Variants in FTO observed in about 807,000 individuals in gnomAD.
FTO encodes the protein FTO alpha-ketoglutarate dependent dioxygenase, also known as alpha-ketoglutarate-dependent dioxygenase FTO.
FTO carries 47 observed loss-of-function variants against 63.9 expected under a neutral mutation model. The ratio of observed to expected loss-of-function variants is 0.74; its 90% CI spans 0.58 to 0.94. FTO has a LOEUF of 0.94. Ranked by LOEUF, FTO falls within the 40% of genes least tolerant of loss-of-function variation. FTO has a pLI of 0.00. For missense variants in FTO, 562 were observed against 618.1 expected (o/e 0.91, Z 0.96); for synonymous variants, 207 against 224.4 (o/e 0.92, Z 0.69).
At chr16:54,069,834 G>A (rs2085822252) in intron 8 of FTO, 1 of 152,120 alleles carries the variant, frequency 6.6e-6, no homozygotes, top group African/African-American at 2.4e-5. Flanking sequence ...TAAATCCAGT[G>A]GGGGTTGTGC....
At chr16:53,912,526 T>C (rs2081738595) in intron 7 of FTO, among the ~76,000 whole-genome samples, 1 of 152,130 alleles carries the variant, frequency 6.6e-6, no homozygotes, top group African/African-American at 2.4e-5. Flanking sequence ...TAGAGAGGAG[T>C]GTGGGGAAAT....
chr16:53,760,937 T>G (rs1567963587), intron 1 of FTO, among the ~76,000 whole-genome samples: 1 of 151,958 alleles, frequency 6.6e-6, no homozygotes. Context: ...TGCTCTTATC[T>G]TTCACATTGA....
rs570714377 is a variant in FTO, at chr16:53,872,491, G to C, written c.896-1295G>C. 2.0e-5 allele frequency among the ~76,000 whole-genome samples: 3 copies of C among 152,262 alleles called. No individual in the cohort carries two copies. The East Asian group carries it at 5.8e-4, about 29-fold the overall frequency. ...TTCCTCTTCTCTATTCTGTGGCATT[G>C]AAACTGTTTCCATGGAGTAAGTTAG... On this transcript the variant is annotated intron_variant, in intron 4 of 8. Coordinates refer to ENST00000471389, the MANE Select transcript of FTO (RefSeq NM_001080432.3).
intron 8 of FTO, among the ~76,000 whole-genome samples, chr16:53,973,423 G>A (rs1035216861): frequency 1.3e-5 from 2 of 152,158 alleles, no homozygotes; most frequent in Admixed American, 1.3e-4. Flanking sequence ...ATTCATTTGG[G>A]GTGAAGTCAC....
rs1172821402 is a variant in FTO at position 54,111,835 on chromosome 16, G to A, written c.1438G>A (p.Asp480Asn). ...PECRPYWEKD[D>N]ASMPLPFDLT... is the part of the protein sequence containing the mutation. ...ATGTCGGCCATACTGGGAAAAGGAT[G>A]ATGCTTCGATGCCTCTGCCGTTTGA... The change falls in exon 9 of 9, where the codon GAT (aspartate) becomes AAT (asparagine). Residue 480 changes from aspartate to asparagine, a missense_variant. Transcript: ENST00000471389. 4.3e-6 allele frequency: 7 copies of A among 1,614,206 alleles called. No homozygotes were observed. In the South Asian group the frequency reaches 4.4e-5, roughly 10 times the overall value.
At chr16:53,802,818 A>T (rs1461710444) in intron 1 of FTO, among the ~76,000 whole-genome samples, 1 of 152,054 alleles carries the variant, frequency 6.6e-6, no homozygotes, top group Non-Finnish European at 1.5e-5. Context: ...TTCTATTATA[A>T]CTAATTTGTG....
In FTO at chr16:53,833,154, T is replaced by C. The variant is rs764109405; in HGVS notation, c.751+6663T>C. Among the ~76,000 whole-genome samples the C allele has an allele frequency of 7.2e-5, 11 of 152,184 alleles. No individual in the cohort carries two copies. The South Asian group carries it at 2.3e-3, about 32-fold the overall frequency. On this transcript the variant is annotated intron_variant, in intron 3 of 8. Transcript: ENST00000471389. ...TTCATCAGGGGTTTCCGCTTTTGCT[T>C]CCTCCTCATTTTCTCTTGCCACTGC...
At chr16:53,883,623 AAAAAAAAAAAAAC>A (rs2080908423) in intron 6 of FTO, among the ~76,000 whole-genome samples, 1 of 62,880 alleles carries the variant, frequency 1.6e-5, no homozygotes, top group South Asian at 5.9e-4. Context: ...ACTCTATCTC[AAAAAAAAAAAAAC>A]AAAAAAAAAA....
chr16:53,803,213 T>C (rs185598581), intron 1 of FTO, among the ~76,000 whole-genome samples: 134 of 152,360 alleles, frequency 8.8e-4, no homozygotes, highest in African/African-American at 2.7e-3. Flanking sequence ...TTGGAAACAG[T>C]TGAATCTTTT....
chr16:53,753,463 T>C (rs956016777), intron 1 of FTO, among the ~76,000 whole-genome samples: 2 of 152,042 alleles, frequency 1.3e-5, no homozygotes, highest in Non-Finnish European at 2.9e-5. Context: ...AAGTTTTGCA[T>C]CTGCATTGCT....
intron 8 of FTO, among the ~76,000 whole-genome samples, chr16:53,936,386 T>C (rs116727114): frequency 0.018 from 2,708 of 152,304 alleles, 73 homozygotes; most frequent in African/African-American, 0.061. Flanking sequence ...CTTCTCCACC[T>C]CCATTTGATG....
At chr16:54,022,933 G>A (rs1230745984) in intron 8 of FTO, among the ~76,000 whole-genome samples, 2 of 152,234 alleles carry the variant, frequency 1.3e-5, no homozygotes, top group African/African-American at 2.4e-5. Flanking sequence ...GCTAACAGAT[G>A]TAGCTTTTCA....
chr16:54,019,366 T>G (rs2084533914), intron 8 of FTO, among the ~76,000 whole-genome samples: 1 of 152,220 alleles, frequency 6.6e-6, no homozygotes, highest in Non-Finnish European at 1.5e-5. Context: ...GAATGGTTGT[T>G]GAGGCACCAA....
intron 8 of FTO, among the ~76,000 whole-genome samples, chr16:54,083,119 GA>G (rs2086185657): frequency 6.6e-6 from 1 of 152,142 alleles, no homozygotes. Context: ...ATTATGGGGG[GA>G]AAAGAAAGCA....
At chr16:54,009,212 G>A (rs2084283487) in intron 8 of FTO, among the ~76,000 whole-genome samples, 1 of 151,978 alleles carries the variant, frequency 6.6e-6, no homozygotes, top group Non-Finnish European at 1.5e-5. Context: ...TGTAAACTGT[G>A]GTGTTTGAAC....
chr16:53,873,843 G>T lies in FTO; in HGVS notation c.953G>T (p.Ser318Ile). Residue 318 changes from serine (S) to isoleucine (I), a missense_variant, in exon 5 of 9, where the codon AGT (serine) becomes ATT (isoleucine). Coordinates refer to ENST00000471389, the MANE Select transcript of FTO (RefSeq NM_001080432.3). The part of the protein sequence containing the change: ...CVLAGSQPRF[S>I]STHRVAECST... ...TTGGCCGGTTCACAACCTCGGTTTA[G>T]TTCCACCCACCGAGTGGCAGAGGTA... is the stretch of plus-strand genomic sequence containing the variant. 1 of 1,612,928 alleles carries T rather than the reference G, an allele frequency of 6.2e-7. No homozygotes were observed. The highest frequency in any genetic ancestry group is 8.5e-7 in the Non-Finnish European group (1 of 1,179,132).
At chr16:53,869,245 C>T (rs1175085843) in intron 4 of FTO, among the ~76,000 whole-genome samples, 1 of 151,970 alleles carries the variant, frequency 6.6e-6, no homozygotes, top group Non-Finnish European at 1.5e-5. Context: ...TTGCTTGCCT[C>T]GTTTCTGAGG....
intron 8 of FTO, among the ~76,000 whole-genome samples, chr16:53,942,483 G>C (rs901148403): frequency 6.6e-6 from 1 of 152,174 alleles, no homozygotes; most frequent in Non-Finnish European, 1.5e-5. Flanking sequence ...CTGGCATGGC[G>C]AGGAAGAAGA....
chr16:54,111,077 T>C (rs201595752), intron 8 of FTO, among the ~76,000 whole-genome samples: 1 of 152,206 alleles, frequency 6.6e-6, no homozygotes, highest in Non-Finnish European at 1.5e-5. Context: ...TATTGATGAA[T>C]AATCCATTCA....
Sources: gnomAD v4.1 joint callset for allele counts (sites outside exome capture counted in the v4.1 genomes callset) on GRCh38, gnomAD v4.1.1 for gene constraint, MANE v1.5 for transcripts, NCBI Gene and HGNC (gene_info 2026-07-23, HGNC 2026-07-21) for gene names.